SAMD12: variants seen among roughly 807,000 people sequenced by gnomAD.
SAMD12 encodes sterile alpha motif domain-containing protein 12.
A neutral mutation model predicts 15.0 loss-of-function variants in SAMD12; 9 were observed. That is an observed-to-expected ratio of 0.60 (90% CI 0.36 to 1.05). SAMD12 has a LOEUF of 1.05. Among genes scored for constraint, SAMD12 ranks in the 50% least tolerant of loss-of-function variants. The probability of loss-of-function intolerance (pLI) is 0.01; values close to 1 mark genes in which losing one functional copy is unlikely to be tolerated. For synonymous variants in SAMD12, 86 were observed against 90.1 expected (o/e 0.96, Z 0.25); for missense variants, 230 against 234.2 (o/e 0.98, Z 0.12).
chr8:118,439,094 T>C (rs1159716969), intron 3 of SAMD12, among the ~76,000 whole-genome samples: 1 of 152,142 alleles, frequency 6.6e-6, no homozygotes. Context: ...ATCCCCCAAT[T>C]GAGAGACTTG....
intron 2 of SAMD12, among the ~76,000 whole-genome samples, chr8:118,485,944 G>T (rs1266493377): frequency 6.6e-6 from 1 of 152,148 alleles, no homozygotes; most frequent in Non-Finnish European, 1.5e-5. Flanking sequence ...GCACAATGAG[G>T]TACACGAGAA....
intron 3 of SAMD12, among the ~76,000 whole-genome samples, chr8:118,387,730 C>T (rs1820042406): frequency 6.6e-6 from 1 of 152,170 alleles, no homozygotes. Context: ...AACCTATATA[C>T]TCCTCAAGGC....
At chr8:118,263,317 T>C (rs1406476361) in intron 4 of SAMD12, among the ~76,000 whole-genome samples, 2 of 152,172 alleles carry the variant, frequency 1.3e-5, no homozygotes, top group East Asian at 1.9e-4. Flanking sequence ...TAACAGAAGG[T>C]AGAGAAAGAT....
intron 3 of SAMD12, among the ~76,000 whole-genome samples, chr8:118,406,865 C>A (rs1821153481): frequency 6.7e-6 from 1 of 149,416 alleles, no homozygotes; most frequent in South Asian, 2.1e-4. Flanking sequence ...GAATTTCCTT[C>A]ATTTTAAAGC....
At chr8:118,374,015 G>C (rs574571985), downstream of SAMD12, among the ~76,000 whole-genome samples, 1 of 151,902 alleles carries the variant, frequency 6.6e-6, no homozygotes, top group Non-Finnish European at 1.5e-5. Context: ...AAACCACATA[G>C]TACTAAATCT....
chr8:118,579,025 A>T (rs1827219573), intron 2 of SAMD12, among the ~76,000 whole-genome samples: 1 of 152,186 alleles, frequency 6.6e-6, no homozygotes, highest in Non-Finnish European at 1.5e-5. Flanking sequence ...AATGCTTCAG[A>T]GGCAAAGACA....
intron 3 of SAMD12, among the ~76,000 whole-genome samples, chr8:118,384,688 T>C (rs4876818): frequency 0.18 from 27,314 of 152,154 alleles, 2,719 homozygotes; most frequent in South Asian, 0.25. Context: ...TGCTATTTTT[T>C]CTTTAGAGAG....
chr8:118,220,543 T>C (rs552096272), intron 4 of SAMD12, among the ~76,000 whole-genome samples: 12 of 152,316 alleles, frequency 7.9e-5, no homozygotes, highest in Non-Finnish European at 1.2e-4. Context: ...ATTTTTCTTC[T>C]ATCATTCCTA....
chr8:118,457,196 TA>T (rs1290512169), intron 2 of SAMD12, among the ~76,000 whole-genome samples: 3 of 151,650 alleles, frequency 2.0e-5, no homozygotes, highest in African/African-American at 7.3e-5. Context: ...CCACTTCCAC[TA>T]CTGCTACTAA....
the SAMD12 span, among the ~76,000 whole-genome samples, chr8:118,152,938 T>G: frequency 6.6e-6 from 1 of 152,222 alleles, no homozygotes. Context: ...TGACTGAAAG[T>G]CCATGAAGTG....
chr8:118,418,402 T>A (rs564952795), intron 3 of SAMD12, among the ~76,000 whole-genome samples: 1 of 152,104 alleles, frequency 6.6e-6, no homozygotes, highest in Non-Finnish European at 1.5e-5. Context: ...AGAAGGGATA[T>A]AGACTGCAAA....
intron 4 of SAMD12, among the ~76,000 whole-genome samples, chr8:118,298,032 G>A (rs1814809981): frequency 6.6e-6 from 1 of 151,874 alleles, no homozygotes; most frequent in Admixed American, 6.6e-5. Context: ...TGCTCCCATT[G>A]GCCCTCAGCC....
chr8:118,424,977 C>T lies in SAMD12; in HGVS notation c.322+14855G>A, dbSNP rs575127268. Among the ~76,000 whole-genome samples, 7 of 148,610 alleles carry T rather than the reference C, an allele frequency of 4.7e-5. No individual in the cohort carries two copies. The South Asian group carries it at 1.1e-3, about 23-fold the overall frequency. ...TTTTTGAGACAGAGTCTTGCTCTGT[C>T]GCCCAGGCTGGAGGGCAGTGGTGGG... On this transcript the variant is annotated intron_variant, in intron 3 of 3. Coordinates refer to ENST00000314727, the MANE Select transcript of SAMD12 (RefSeq NM_207506.3).
chr8:118,475,276 C>T (rs549237654), intron 2 of SAMD12, among the ~76,000 whole-genome samples: 2 of 151,882 alleles, frequency 1.3e-5, no homozygotes, highest in Non-Finnish European at 1.5e-5. Context: ...AACCTGGTAC[C>T]TCCCTCCCCT....
intron 4 of SAMD12, among the ~76,000 whole-genome samples, chr8:118,204,801 A>G (rs983028843): frequency 6.6e-6 from 1 of 152,198 alleles, no homozygotes; most frequent in African/African-American, 2.4e-5. Context: ...CTCCAACGAG[A>G]TTGGTATCAG....
chr8:118,540,295 C>T (rs1183011704), intron 2 of SAMD12, among the ~76,000 whole-genome samples: 6 of 152,152 alleles, frequency 3.9e-5, no homozygotes, highest in Non-Finnish European at 7.3e-5. Context: ...GTATTATGAT[C>T]AGTGATGAGG....
chr8:118,278,624 G>T (rs1273561331), intron 4 of SAMD12, among the ~76,000 whole-genome samples: 1 of 152,116 alleles, frequency 6.6e-6, no homozygotes, highest in Non-Finnish European at 1.5e-5. Flanking sequence ...CTCACCAGTG[G>T]AACATAACCA....
chr8:118,550,242 T>C (rs917501366), intron 2 of SAMD12, among the ~76,000 whole-genome samples: 4 of 151,976 alleles, frequency 2.6e-5, no homozygotes, highest in Non-Finnish European at 5.9e-5. Flanking sequence ...TCACCAAAGT[T>C]GAAATGAAGG....
chr8:118,321,864 T>C (rs1191068389), intron 4 of SAMD12, among the ~76,000 whole-genome samples: 2 of 152,184 alleles, frequency 1.3e-5, no homozygotes, highest in African/African-American at 2.4e-5. Context: ...TCACAGGTAA[T>C]TGTAAGGTTT....
Sources: allele counts gnomAD v4.1 joint callset (sites outside exome capture counted in the v4.1 genomes callset), GRCh38; gene constraint gnomAD v4.1.1; transcripts MANE v1.5; gene names NCBI Gene and HGNC (gene_info 2026-07-23, HGNC 2026-07-21).